The following RPS4Y1 variants were observed in gnomAD, a reference collection of about 807,000 sequenced individuals.
RPS4Y1 encodes the protein small ribosomal subunit protein eS4, Y isoform 1.
For synonymous variants in RPS4Y1, 23 were observed against 20.8 expected, an observed-to-expected ratio of 1.10 and a Z score of -0.28; for missense variants, 30 against 60.9, an observed-to-expected ratio of 0.49 and a Z score of 1.69.
chrY:2,849,652 G>A, intron 4 of RPS4Y1, among the ~76,000 whole-genome samples: 4 of 33,180 alleles, frequency 1.2e-4, no homozygotes, highest in Non-Finnish European at 3.0e-4. Flanking sequence ...AAAAATAATT[G>A]GTTTTCTGCA....
chrY:2,862,536 T>G, intron 5 of RPS4Y1, among the ~76,000 whole-genome samples: 1 of 34,079 alleles, frequency 2.9e-5, no homozygotes, highest in Non-Finnish European at 7.3e-5. Context: ...TAGGTTACTC[T>G]GCAAAGGTGG....
At chrY:2,847,199 C>T (rs2051153233) in intron 4 of RPS4Y1, among the ~76,000 whole-genome samples, 3 of 33,569 alleles carry the variant, frequency 8.9e-5, no homozygotes, top group African/African-American at 2.3e-4. Context: ...GCTCCTGGGA[C>T]GTCAGTTATG....
At chrY:2,853,469 T>G in intron 4 of RPS4Y1, among the ~76,000 whole-genome samples, 1 of 33,900 alleles carries the variant, frequency 2.9e-5, no homozygotes, top group Admixed American at 2.7e-4. Context: ...TTGTCACTTC[T>G]GAGCGGTGAC....
chrY:2,848,882 A>T (rs1603309042), intron 4 of RPS4Y1, among the ~76,000 whole-genome samples: 1 of 32,359 alleles, frequency 3.1e-5, no homozygotes, highest in Non-Finnish European at 7.6e-5. Flanking sequence ...GTGTACATTG[A>T]ACATAATGTG....
chrY:2,857,936 T>A, intron 5 of RPS4Y1, among the ~76,000 whole-genome samples: 1 of 33,924 alleles, frequency 2.9e-5, no homozygotes, highest in Admixed American at 2.6e-4. Flanking sequence ...ATGAGATAGT[T>A]TTGAAATTTT....
intron 5 of RPS4Y1, among the ~76,000 whole-genome samples, chrY:2,859,700 A>G (rs940767701): frequency 2.1e-4 from 7 of 33,106 alleles, no homozygotes; most frequent in African/African-American, 5.9e-4. Context: ...AAAGTGATTT[A>G]TACACCTTTG....
chrY:2,842,277 G>GT (rs762871684), intron 2 of RPS4Y1, 35 bp downstream of exon 2: 49 of 331,491 alleles, frequency 1.5e-4, no homozygotes, highest in Non-Finnish European at 1.8e-4. Flanking sequence ...GTTTTTTTTT[G>GT]TTTTTTTTAG....
At chrY:2,844,025 A>G (rs770209552) in intron 2 of RPS4Y1, 52 bp from the exon 3 acceptor site, 6 of 353,676 alleles carry the variant, frequency 1.7e-5, no homozygotes, top group Non-Finnish European at 2.5e-5. Context: ...CAATCTGGTT[A>G]CATAAGGAGT....
intron 4 of RPS4Y1, among the ~76,000 whole-genome samples, chrY:2,849,780 G>A (rs2051154911): frequency 6.0e-5 from 2 of 33,595 alleles, no homozygotes; most frequent in South Asian, 1.4e-3. Context: ...CCTCTACTAA[G>A]CGAGAGGACC....
Position 2,853,185 on chromosome Y carries a change from C to G in RPS4Y1, c.361-1415C>G, listed in dbSNP as rs1021628702. On this transcript the variant is annotated intron_variant, in intron 4 of 6. Coordinates refer to ENST00000250784, the MANE Select transcript of RPS4Y1 (RefSeq NM_001008.4). Reference sequence around the variant, plus strand: ...GGCAAACCTAGTTAGTCCTGAGAGCCCAAAGATACGGGAGAGAGGAAATGC... The same window carrying G: ...GGCAAACCTAGTTAGTCCTGAGAGCGCAAAGATACGGGAGAGAGGAAATGC... 2.5e-4 allele frequency among the ~76,000 whole-genome samples: 8 copies of G among 32,652 alleles called. No individual in the cohort carries two copies. The South Asian group carries it at 5.6e-3, about 23-fold the overall frequency. 87.6% of individuals were successfully genotyped at this position (32,652 alleles called of 37,273 possible).
chrY:2,842,132 A>G (rs1359996199), intron 1 of RPS4Y1, 33 bp from the exon 2 acceptor site: 6 of 384,853 alleles, frequency 1.6e-5, no homozygotes, highest in Non-Finnish European at 2.2e-5. Context: ...TGTCAGCGGA[A>G]ACTAATTTCT....
In RPS4Y1 at chrY:2,866,960, GT is replaced by G; in HGVS notation, c.*72del. The G allele has an allele frequency of 2.6e-5, 6 of 230,972 alleles. No individual in the cohort carries two copies. The highest frequency in any genetic ancestry group is 4.4e-5 in the Non-Finnish European group (6 of 136,613). The allele number at this position is 230,972 out of a possible 400,897, so 57.6% of individuals were successfully genotyped here. The stretch of plus-strand genomic sequence containing the variant: ...ACAGTGAATTCTCGTTTCTTAATGT[GT>G]TTTTTCCCCCTTGTGGATAATAGTA... On this transcript the variant is annotated 3_prime_UTR_variant, in exon 7 of 7. Coordinates refer to ENST00000250784, the MANE Select transcript of RPS4Y1 (RefSeq NM_001008.4).
intron 3 of RPS4Y1, 98 bp from the exon 4 acceptor site, chrY:2,845,548 G>T: frequency 4.7e-6 from 1 of 212,685 alleles, no homozygotes; most frequent in Admixed American, 8.6e-5. Context: ...CTGCTAAAAC[G>T]TTCTCAGGTT....
Position 2,841,638 on chromosome Y carries a change from T to C in RPS4Y1, c.3+11T>C. 1 of 393,478 alleles carries C rather than the reference T, an allele frequency of 2.5e-6. No individual in the cohort carries two copies. Among genetic ancestry groups the C allele is most frequent in the Middle Eastern group, 5.9e-4 (1 of 1,686 alleles). On this transcript the variant is annotated intron_variant, in intron 1 of 6. Coordinates refer to ENST00000250784, the MANE Select transcript of RPS4Y1 (RefSeq NM_001008.4). ...CAGAGTTTCGCCATGGTAAGACCGA[T>C]AGTTCCTAACTCCTAGTATATCTGC... is the stretch of plus-strand genomic sequence containing the variant.
intron 1 of RPS4Y1, chrY:2,841,908 T>G: frequency 2.7e-6 from 1 of 375,910 alleles, no homozygotes; most frequent in South Asian, 3.3e-5. Flanking sequence ...CAGCCTCAGA[T>G]TCGCTTGGAG....
chrY:2,859,634 C>T (rs563433237), intron 5 of RPS4Y1, among the ~76,000 whole-genome samples: 280 of 33,316 alleles, frequency 8.4e-3, no homozygotes, highest in African/African-American at 0.032. Flanking sequence ...TATCCTTTTA[C>T]CATTGGTTTA....
In RPS4Y1 at chrY:2,854,674, A is replaced by T; in HGVS notation, c.435A>T (p.Arg145=). The change falls in exon 5 of 7, where the codon CGA becomes CGT. Residue 145 remains arginine (R), a synonymous_variant. Transcript: ENST00000250784. ...CTCACCTGGTGACTCATGATGCTCG[A>T]ACCATCCGCTACCCAGATCCTGTCA... ...GIPHLVTHDA[R]TIRYPDPVIK... The T allele has an allele frequency of 5.1e-6, 2 of 391,996 alleles. No homozygotes were observed. Among genetic ancestry groups the T allele is most frequent in the African/African-American group, 1.3e-4 (2 of 15,416 alleles).
At chrY:2,846,725 C>T in intron 4 of RPS4Y1, among the ~76,000 whole-genome samples, 1 of 33,445 alleles carries the variant, frequency 3.0e-5, no homozygotes, top group South Asian at 6.7e-4. Flanking sequence ...TGTTCAGTCG[C>T]GTAGGGTGTT....
chrY:2,849,367 G>GT, intron 4 of RPS4Y1, among the ~76,000 whole-genome samples: 1 of 33,821 alleles, frequency 3.0e-5, no homozygotes, highest in African/African-American at 1.2e-4. Flanking sequence ...TTCATCCATT[G>GT]TATCCTTGCC....
Sources: gnomAD v4.1 joint callset for allele counts (sites outside exome capture counted in the v4.1 genomes callset) on GRCh38, gnomAD v4.1.1 for gene constraint, MANE v1.5 for transcripts, NCBI Gene and HGNC (gene_info 2026-07-23, HGNC 2026-07-21) for gene names.